ACOT2: variants seen among roughly 807,000 people sequenced by gnomAD.
ACOT2 encodes the protein acyl-coenzyme A thioesterase 2, mitochondrial.
Under a neutral mutation model 20.1 loss-of-function variants are expected in ACOT2, and 15 were observed. The observed-to-expected ratio is 0.75, with a 90% CI of 0.50 to 1.15. The LOEUF (loss-of-function observed/expected upper bound fraction) is 1.15. Among genes scored for constraint, ACOT2 ranks in the 50% most tolerant of loss-of-function variants. The pLI is 0.00. For missense variants in ACOT2, 479 were observed against 615.3 expected, an observed-to-expected ratio of 0.78 and a Z score of 2.34; for synonymous variants, 252 against 268.4, an observed-to-expected ratio of 0.94 and a Z score of 0.60.
chr14:73,569,016 C>T (rs1237441098), upstream of ACOT2: 2 of 575,532 alleles, frequency 3.5e-6, no homozygotes, highest in African/African-American at 1.9e-5. Flanking sequence ...TCTTTAAGAA[C>T]CAGCCCTGGT....
chr14:73,570,023 G>C, intron 1 of ACOT2, 140 bp downstream of exon 1: 1 of 1,336,870 alleles, frequency 7.5e-7, no homozygotes, highest in African/African-American at 1.5e-5. Context: ...CGAATTCCTG[G>C]TCTCCAGCTA....
upstream of ACOT2, chr14:73,569,197 C>T: frequency 3.7e-6 from 6 of 1,602,688 alleles, no homozygotes; most frequent in Non-Finnish European, 4.3e-6. Context: ...TAGCAGACAG[C>T]TCTGCCCTAG....
chr14:73,572,632 T>C (rs1279162328), intron 1 of ACOT2, among the ~76,000 whole-genome samples: 2 of 74,996 alleles, frequency 2.7e-5, no homozygotes, highest in Non-Finnish European at 4.6e-5. Context: ...GCCTGTAAGG[T>C]GTTTGCATTT....
intron 1 of ACOT2, among the ~76,000 whole-genome samples, chr14:73,572,912 C>A (rs573801559): frequency 6.6e-6 from 1 of 151,012 alleles, no homozygotes; most frequent in South Asian, 2.1e-4. Flanking sequence ...TCCCAAAGTG[C>A]TGGGGTTACA....
In ACOT2 at chr14:73,569,408, C is replaced by A. The variant is rs143645932; in HGVS notation, c.168C>A (p.Ile56=). The A allele has an allele frequency of 1.1e-4, 178 of 1,613,846 alleles. 1 individual carries two copies. Among genetic ancestry groups the A allele is most frequent in the Non-Finnish European group, 1.4e-4 (170 of 1,179,810 alleles). The change falls in exon 1 of 3, where the codon ATC becomes ATA. Residue 56 remains isoleucine, a synonymous_variant. Transcript: ENST00000238651. ...GSPQLRQVGQ[I]IRVPARMAAT... is the part of the protein sequence containing the mutation. Reference sequence around the variant, plus strand: ...CACAGCTGAGGCAGGTTGGTCAGATCATTAGGGTTCCTGCTCGGATGGCGG... The same window carrying A: ...CACAGCTGAGGCAGGTTGGTCAGATAATTAGGGTTCCTGCTCGGATGGCGG...
rs368464816 is a variant in ACOT2 at position 73,573,385 on chromosome 14, A to G, written c.644-3A>G. 4.5e-5 allele frequency: 72 copies of G among 1,613,622 alleles called. 1 individual carries two copies. In the South Asian group the frequency reaches 5.6e-4, roughly 13 times the overall value. On this transcript the variant is annotated splice_polypyrimidine_tract_variant and splice_region_variant and intron_variant, in intron 1 of 2. Coordinates refer to ENST00000238651, the MANE Select transcript of ACOT2 (RefSeq NM_006821.6). ...TTTGCATTTTGTTTTGTTTCTTCCC[A>G]AGAACCTGGGCCCTTTCCTGGGATT...
intron 2 of ACOT2, among the ~76,000 whole-genome samples, 174 bp downstream of exon 2, chr14:73,573,764 G>A (rs1054996495): frequency 2.0e-4 from 30 of 151,730 alleles, no homozygotes; most frequent in African/African-American, 7.3e-4. Context: ...GTCTCACTCT[G>A]TTGCCAGGCT....
chr14:73,572,567 T>C (rs949468948), intron 1 of ACOT2, among the ~76,000 whole-genome samples: 10 of 149,058 alleles, frequency 6.7e-5, no homozygotes, highest in African/African-American at 1.5e-4. Context: ...CACAGGGGTC[T>C]GTGGGACGTT....
chr14:73,575,118 G>C lies in ACOT2; in HGVS notation c.1057G>C (p.Asp353His). The change falls in exon 3 of 3, where the codon GAC (aspartate) becomes CAC (histidine). Residue 353 changes from aspartate (D) to histidine (H), a missense_variant. Asp to His is a moderately conservative substitution (Grantham distance 81, BLOSUM62 -1). This residue lies in a region of ACOT2 where 39 missense variants were observed against 108.0 expected (regional missense o/e 0.36). Transcript: ENST00000238651. Reference sequence around the variant, plus strand: ...CAAGGTGACCAAAGATGGCTATGCAGACATTGTGGATGTCCTGAACAGCCC... The same window carrying C: ...CAAGGTGACCAAAGATGGCTATGCACACATTGTGGATGTCCTGAACAGCCC... ...RIKVTKDGYA[D>H]IVDVLNSPLE... 3.0e-6 allele frequency: 4 copies of C among 1,336,414 alleles called. No individual in the cohort carries two copies. The South Asian group carries it at 3.9e-5, about 13-fold the overall frequency. The allele number at this position is 1,336,414 out of a possible 1,614,324, so 82.8% of individuals were successfully genotyped here.
intron 1 of ACOT2, chr14:73,571,779 C>G (rs1889756894): frequency 6.6e-6 from 1 of 152,054 alleles, no homozygotes; most frequent in Non-Finnish European, 1.5e-5. Flanking sequence ...ATTTTTGCAA[C>G]TTTTCTTTGA....
At position 73,569,278 on chromosome 14, in the gene ACOT2, T is replaced by C. The variant is rs1260895005; in HGVS notation, c.38T>C (p.Val13Ala). ...CTTCTTTCTCCCCACCCCCATTCAG[T>C]TGTTCTCAGGTCTGAATTCAAAATG... is the stretch of plus-strand genomic sequence containing the variant. ...NKLLSPHPHS[V>A]VLRSEFKMAS... is the part of the protein sequence containing the mutation. The change falls in exon 1 of 3, where the codon GTT becomes GCT. Residue 13 changes from valine (V) to alanine (A), a missense_variant. By Grantham distance (64) the Val-to-Ala change is moderately conservative (BLOSUM62 0). Around this residue, in one of 4 missense-constraint regions of ACOT2, gnomAD observed 400 missense variants for 395.5 expected, o/e 1.01. Coordinates refer to ENST00000238651, the MANE Select transcript of ACOT2 (RefSeq NM_006821.6). 1.2e-6 allele frequency: 2 copies of C among 1,613,886 alleles called. No individual in the cohort carries two copies. The highest frequency in any genetic ancestry group is 1.7e-5 in the Admixed American group (1 of 60,008).
intron 1 of ACOT2, among the ~76,000 whole-genome samples, chr14:73,573,054 C>T (rs943710711): frequency 2.6e-5 from 4 of 151,340 alleles, no homozygotes; most frequent in African/African-American, 7.3e-5. Flanking sequence ...AGTCTGTCTC[C>T]GTTGAGTAAG....
At chr14:73,572,214 G>T (rs866303764) in intron 1 of ACOT2, among the ~76,000 whole-genome samples, 1,446 of 107,818 alleles carry the variant, frequency 0.013, 3 homozygotes, top group African/African-American at 0.054. Flanking sequence ...AAAGAGCAAA[G>T]TCAACTGGAA....
chr14:73,573,517 T>A lies in ACOT2; in HGVS notation c.773T>A (p.Leu258His), dbSNP rs140387106. Reference sequence around the variant, plus strand: ...CTGGCTTATTATAACTATGAAGACCTCCCCAAGACCATGGAGACGCTCCAT... The same window carrying A: ...CTGGCTTATTATAACTATGAAGACCACCCCAAGACCATGGAGACGCTCCAT... ...MALAYYNYED[L>H]PKTMETLHLE... The change falls in exon 2 of 3, where the codon CTC (leucine) becomes CAC (histidine). Residue 258 changes from leucine to histidine, a missense_variant. Leu to His is a moderately conservative substitution (Grantham distance 99). Around this residue, in one of 4 missense-constraint regions of ACOT2, gnomAD observed 400 missense variants for 395.5 expected, o/e 1.01. Coordinates refer to ENST00000238651, the MANE Select transcript of ACOT2 (RefSeq NM_006821.6). 5.0e-5 allele frequency: 80 copies of A among 1,613,604 alleles called. 1 individual carries two copies. In the East Asian group the frequency reaches 1.7e-3, roughly 35 times the overall value.
At position 73,569,303 on chromosome 14, in the gene ACOT2, G is replaced by A; in HGVS notation, c.63G>A (p.Met21Ile). The A allele has an allele frequency of 1.2e-6, 2 of 1,613,878 alleles. No individual in the cohort carries two copies. Among genetic ancestry groups the A allele is most frequent in the Non-Finnish European group, 1.7e-6 (2 of 1,179,768 alleles). Reference protein sequence around the residue: ...HSVVLRSEFKMASSPAVLRAS... With the variant: ...HSVVLRSEFKIASSPAVLRAS... ...TTGTTCTCAGGTCTGAATTCAAAAT[G>A]GCCTCATCTCCTGCTGTCCTTCGAG... Residue 21 changes from methionine to isoleucine, a missense_variant, in exon 1 of 3, where the codon ATG becomes ATA. Physicochemically the swap from Met to Ile is conservative, Grantham distance 10. Coordinates refer to ENST00000238651, the MANE Select transcript of ACOT2 (RefSeq NM_006821.6).
chr14:73,572,351 A>G (rs1889770300), intron 1 of ACOT2, among the ~76,000 whole-genome samples: 1 of 152,018 alleles, frequency 6.6e-6, no homozygotes, highest in Admixed American at 6.6e-5. Flanking sequence ...AAAGAAAAAA[A>G]AAGAATCAAC....
chr14:73,570,862 G>A (rs1889720782), intron 1 of ACOT2, among the ~76,000 whole-genome samples: 2 of 148,490 alleles, frequency 1.3e-5, no homozygotes, highest in South Asian at 2.1e-4. Context: ...CTGAGATCAT[G>A]CCATTGCACT....
At chr14:73,570,885 A>G (rs1345637995) in intron 1 of ACOT2, among the ~76,000 whole-genome samples, 1 of 140,606 alleles carries the variant, frequency 7.1e-6, no homozygotes, top group Non-Finnish European at 1.5e-5. Flanking sequence ...AGCCTGGGGG[A>G]CAAGAGTGAC....
rs1889675890 is a variant in ACOT2 at position 73,569,714 on chromosome 14, C to G, written c.474C>G (p.Arg158=). Reference sequence around the variant, plus strand: ...AACCTTTGGTGCGGCTGGTGAAGCGCGACGTGCGAACGCCCTTGGCCGTGG... The same window carrying G: ...AACCTTTGGTGCGGCTGGTGAAGCGGGACGTGCGAACGCCCTTGGCCGTGG... ...PEKPLVRLVK[R]DVRTPLAVEL... is the part of the protein sequence containing the mutation. The change falls in exon 1 of 3, where the codon CGC becomes CGG. Residue 158 remains arginine, a synonymous_variant. Transcript: ENST00000238651. The G allele has an allele frequency of 6.2e-7, 1 of 1,609,234 alleles. No homozygotes were observed. The highest frequency in any genetic ancestry group is 1.3e-5 in the African/African-American group (1 of 74,906).
Sources: allele counts gnomAD v4.1 joint callset (sites outside exome capture counted in the v4.1 genomes callset), GRCh38; gene constraint gnomAD v4.1.1; regional missense constraint gnomAD v4.1.1; transcripts MANE v1.5; gene names NCBI Gene and HGNC (gene_info 2026-07-23, HGNC 2026-07-21).